A2M: variants seen among roughly 807,000 people sequenced by gnomAD.
A2M encodes the protein C3 and PZP-like alpha-2-macroglobulin domain-containing protein 5.
Under a neutral mutation model 183.9 loss-of-function variants are expected in A2M, and 128 were observed. That is an observed-to-expected ratio of 0.70 (90% CI 0.60 to 0.81). The LOEUF (loss-of-function observed/expected upper bound fraction) is 0.81. Among genes scored for constraint, A2M ranks in the 30% least tolerant of loss-of-function variants. A2M has a pLI of 0.00. For missense variants in A2M, 1,495 were observed against 1,787.6 expected (o/e 0.84, Z 2.95); for synonymous variants, 592 against 670.8 (o/e 0.88, Z 1.81).
chr12:9,086,969 C>A (rs1949069672), intron 22 of A2M, among the ~76,000 whole-genome samples: 1 of 152,066 alleles, frequency 6.6e-6, no homozygotes, highest in African/African-American at 2.4e-5. Context: ...ACATAAAAAT[C>A]AGTAGTATTT....
intron 2 of A2M, 135 bp downstream of exon 2, chr12:9,113,225 T>C: frequency 2.3e-6 from 2 of 853,196 alleles, no homozygotes; most frequent in Admixed American, 5.8e-5. Flanking sequence ...CCTTAATTTC[T>C]ATACTTAGTT....
Position 9,070,515 on chromosome 12 carries a change from G to A in A2M, c.4167C>T (p.Phe1389=). ...TTTTCACTGTTGGCTTCAGGGGAATGAAGCCAGAGACCATCTTCACATCAA... is the reference window on the plus strand; with the variant it reads ...TTTTCACTGTTGGCTTCAGGGGAATAAAGCCAGAGACCATCTTCACATCAA... The part of the protein sequence containing the change: ...AIVDVKMVSG[F]IPLKPTVKML... The change falls in exon 32 of 36, where the codon TTC becomes TTT. Residue 1389 remains phenylalanine (F), a synonymous_variant. Coordinates refer to ENST00000318602, the MANE Select transcript of A2M (RefSeq NM_000014.6). The A allele has an allele frequency of 6.2e-7, 1 of 1,613,846 alleles. No homozygotes were observed. The highest frequency in any genetic ancestry group is 8.5e-7 in the Non-Finnish European group (1 of 1,179,824).
rs768396764 is a variant in A2M at position 9,099,506 on chromosome 12, T to C, written c.1576A>G (p.Ile526Val). 6.0e-5 allele frequency: 97 copies of C among 1,609,056 alleles called. No individual in the cohort carries two copies. The highest frequency in any genetic ancestry group is 8.0e-5 in the Non-Finnish European group (94 of 1,177,928). The change falls in exon 14 of 36, where the codon ATC (isoleucine) becomes GTC (valine). Residue 526 changes from isoleucine (I) to valine (V), a missense_variant. Coordinates refer to ENST00000318602, the MANE Select transcript of A2M (RefSeq NM_000014.6). ...ATGTCTGACTTCACAGGGATTGAGA[T>C]GGAAAAATGGCCCTTCACTGGGGCA... ...KQEDMKGHFSISIPVKSDIAP... is the reference protein window; with the variant it reads ...KQEDMKGHFSVSIPVKSDIAP...
rs114635451 is a variant in A2M at position 9,096,113 on chromosome 12, C to A, written c.1852-413G>T. On this transcript the variant is annotated intron_variant, in intron 15 of 35. Transcript: ENST00000318602. ...AAGAACAGGAATAATGAACATCCGT[C>A]TTTCTTTGAGCGCTCTCATTGCTTT... Among the ~76,000 whole-genome samples, 1,409 of 152,238 alleles carry A rather than the reference C, an allele frequency of 9.3e-3. 21 individuals carry two copies. Among genetic ancestry groups the A allele is most frequent in the African/African-American group, 0.032 (1,337 of 41,528 alleles).
rs1307646612 is a variant in A2M, at chr12:9,099,424, C to G, written c.1658G>C (p.Gly553Ala). The change falls in exon 14 of 36, where the codon GGG (glycine) becomes GCG (alanine). Residue 553 changes from glycine (G) to alanine (A), a missense_variant. By Grantham distance (60) the Gly-to-Ala change is moderately conservative. Coordinates refer to ENST00000318602, the MANE Select transcript of A2M (RefSeq NM_000014.6). ...YAVLPTGDVI[G>A]DSAKYDVENC... is the part of the protein sequence containing the mutation. ...TTCAACATCATATTTTGCAGAATCC[C>G]CAATCACGTCCCCGGTAGGTAAAAC... is the stretch of plus-strand genomic sequence containing the variant. 1.3e-6 allele frequency: 2 copies of G among 1,582,876 alleles called. No individual in the cohort carries two copies. Among genetic ancestry groups the G allele is most frequent in the Admixed American group, 1.8e-5 (1 of 54,672 alleles).
intron 1 of A2M, among the ~76,000 whole-genome samples, chr12:9,114,041 T>C (rs1477055454): frequency 2.6e-5 from 4 of 152,196 alleles, no homozygotes; most frequent in African/African-American, 7.2e-5. Context: ...TCCACAGATA[T>C]GGAATCTGAG....
At chr12:9,101,741 C>A in intron 11 of A2M, 67 bp from the exon 12 acceptor site, 1 of 1,310,636 alleles carries the variant, frequency 7.6e-7, no homozygotes, top group Non-Finnish European at 1.1e-6. Context: ...TCTCACAAAA[C>A]TACGTAAGTT....
chr12:9,103,283 G>A (rs1354827762), intron 11 of A2M, among the ~76,000 whole-genome samples: 4 of 152,108 alleles, frequency 2.6e-5, no homozygotes, highest in Non-Finnish European at 4.4e-5. Context: ...TGTTAGTATT[G>A]CAATCATTTT....
rs139372099 is a variant in A2M at position 9,111,130 on chromosome 12, A to G, written c.484-796T>C. On this transcript the variant is annotated intron_variant, in intron 4 of 35. Coordinates refer to ENST00000318602, the MANE Select transcript of A2M (RefSeq NM_000014.6). ...ATAAATATTACTTTTAAAAATGAAT[A>G]AACATTGATAAGAAGCTACTATGAA... Among the ~76,000 whole-genome samples the G allele has an allele frequency of 1.0e-3, 156 of 152,344 alleles. 1 individual carries two copies. Among genetic ancestry groups the G allele is most frequent in the African/African-American group, 3.6e-3 (151 of 41,598 alleles).
rs1565597675 is a variant in A2M at position 9,101,469 on chromosome 12, T to A, written c.1472A>T (p.Lys491Met). ...CACCAGATAATAGAAGGAGAGCTTC[T>A]TCAGCCCCAGCAGGGTGCCTCCATT... is the stretch of plus-strand genomic sequence containing the variant. ...ILNGGTLLGL[K>M]KLSFYYLIMA... The change falls in exon 12 of 36, where the codon AAG becomes ATG. Residue 491 changes from lysine (K) to methionine (M), a missense_variant. Transcript: ENST00000318602. 1.9e-6 allele frequency: 3 copies of A among 1,613,670 alleles called. No homozygotes were observed. The highest frequency in any genetic ancestry group is 2.5e-6 in the Non-Finnish European group (3 of 1,179,794).
At position 9,098,666 on chromosome 12, in the gene A2M, G is replaced by A. The variant is rs1453494429; in HGVS notation, c.1792C>T (p.Arg598Cys). ...TAAPQSVCALRAVDQSVLLMK... is the reference protein window; with the variant it reads ...TAAPQSVCALCAVDQSVLLMK... ...AGCAGCACGCTTTGGTCCACAGCAC[G>A]GAGGGCGCAGACGGACTGAGGAGCC... Residue 598 changes from arginine to cysteine, a missense_variant, in exon 15 of 36, where the codon CGT becomes TGT. Physicochemically the swap from Arg to Cys is radical, Grantham distance 180. Transcript: ENST00000318602. The A allele has an allele frequency of 9.3e-6, 15 of 1,611,274 alleles. No individual in the cohort carries two copies. Among genetic ancestry groups the A allele is most frequent in the African/African-American group, 1.3e-5 (1 of 75,008 alleles).
chr12:9,090,363 C>A lies in A2M; in HGVS notation c.2589G>T (p.Lys863Asn), dbSNP rs760144171. The change falls in exon 20 of 36, where the codon AAG becomes AAT. Residue 863 changes from lysine to asparagine, a missense_variant. By Grantham distance (94) the Lys-to-Asn change is moderately conservative (BLOSUM62 0). Transcript: ENST00000318602. Reference sequence around the variant, plus strand: ...TAGCAGTTTTTTGCTCACCTAATGACTTTGGGGTTACTGCCCAGGACACAG... The same window carrying A: ...TAGCAGTTTTTTGCTCACCTAATGAATTTGGGGTTACTGCCCAGGACACAG... ...RQTVSWAVTP[K>N]SLGNVNFTVS... The A allele has an allele frequency of 6.2e-7, 1 of 1,614,000 alleles. No homozygotes were observed. The highest frequency in any genetic ancestry group is 1.1e-5 in the South Asian group (1 of 91,090).
At chr12:9,082,172 G>A (rs1201452973) in intron 22 of A2M, among the ~76,000 whole-genome samples, 1 of 152,168 alleles carries the variant, frequency 6.6e-6, no homozygotes, top group African/African-American at 2.4e-5. Context: ...CATTCACAAG[G>A]GTGGGGTAGC....
chr12:9,089,373 A>G, intron 21 of A2M, 122 bp from the exon 22 acceptor site: 2 of 736,058 alleles, frequency 2.7e-6, no homozygotes, highest in South Asian at 3.3e-5. Flanking sequence ...TATCTAAGAA[A>G]ATTCTGTACA....
chr12:9,072,522 C>T, intron 30 of A2M, 36 bp from the exon 31 acceptor site: 1 of 1,601,948 alleles, frequency 6.2e-7, no homozygotes, highest in East Asian at 2.2e-5. Flanking sequence ...GTTTTTTGCC[C>T]TTTCCCAGAA....
Position 9,095,698 on chromosome 12 carries a change from A to T in A2M, c.1854T>A (p.Val618=). The change falls in exon 16 of 36, where the codon GTT becomes GTA. Residue 618 remains valine, a splice_region_variant and synonymous_variant. Coordinates refer to ENST00000318602, the MANE Select transcript of A2M (RefSeq NM_000014.6). The part of the protein sequence containing the change: ...KPDAELSASS[V]YNLLPEKDLT... ...GGTCCTTTTCTGGTAGCAGGTTGTAAACCTGTACAAATACGAAAGACAAAA... is the reference window on the plus strand; with the variant it reads ...GGTCCTTTTCTGGTAGCAGGTTGTATACCTGTACAAATACGAAAGACAAAA... 4 of 1,583,282 alleles carry T rather than the reference A, an allele frequency of 2.5e-6. No homozygotes were observed. The highest frequency in any genetic ancestry group is 3.4e-6 in the Non-Finnish European group (4 of 1,169,854).
Position 9,083,905 on chromosome 12 carries a change from CA to C in A2M, c.2771-3729del, listed in dbSNP as rs762092260. Among the ~76,000 whole-genome samples the C allele has an allele frequency of 2.1e-3, 317 of 150,818 alleles. 2 individuals are homozygous for C. The highest frequency in any genetic ancestry group is 7.1e-3 in the African/African-American group (291 of 41,112). ...TAATTAAACTATCAAAAATCAAAGACAAAAAAAAATTCTGAAAAGCAGAAGG... is the reference window on the plus strand; with the variant it reads ...TAATTAAACTATCAAAAATCAAAGACAAAAAAAATTCTGAAAAGCAGAAGG... On this transcript the variant is annotated intron_variant, in intron 22 of 35. Coordinates refer to ENST00000318602, the MANE Select transcript of A2M (RefSeq NM_000014.6).
intron 23 of A2M, 66 bp downstream of exon 23, chr12:9,080,028 A>G: frequency 1.8e-6 from 2 of 1,088,960 alleles, no homozygotes; most frequent in Non-Finnish European, 2.6e-6. Context: ...GTAAATATTT[A>G]TGGGAAATAA....
chr12:9,106,297 G>C lies in A2M; in HGVS notation c.1043C>G (p.Thr348Ser), dbSNP rs776535137. The C allele has an allele frequency of 6.2e-7, 1 of 1,613,538 alleles. No individual in the cohort carries two copies. Among genetic ancestry groups the C allele is most frequent in the Non-Finnish European group, 8.5e-7 (1 of 1,179,548 alleles). Residue 348 changes from threonine to serine, a missense_variant, in exon 10 of 36, where the codon ACC becomes AGC. Transcript: ENST00000318602. ...RQSSEITRTI[T>S]KLSFVKVDSH... ...GTCCACTTTCACAAATGAGAGTTTG[G>C]TTATGGTTCTTGTGATTTCACTGGA...
Sources: allele counts gnomAD v4.1 joint callset (sites outside exome capture counted in the v4.1 genomes callset), GRCh38; gene constraint gnomAD v4.1.1; transcripts MANE v1.5; gene names NCBI Gene and HGNC (gene_info 2026-07-23, HGNC 2026-07-21).